The following EVC2 variants were observed in gnomAD, a reference collection of about 807,000 sequenced individuals.
EVC2 encodes EvC ciliary complex subunit 2, also known as limbin.
Under a neutral mutation model 149.3 loss-of-function variants are expected in EVC2, and 148 were observed. The observed-to-expected ratio is 0.99, with a 90% CI of 0.87 to 1.14. The LOEUF is 1.14. Ranked by LOEUF, EVC2 falls within the 50% of genes most tolerant of loss-of-function variation. EVC2 has a pLI of 0.00. For missense variants in EVC2, 1,854 were observed against 1,627.3 expected (o/e 1.14, Z -2.40); for synonymous variants, 776 against 649.9 (o/e 1.19, Z -2.95).
Position 5,622,908 on chromosome 4 carries a change from C to T in EVC2, c.2130G>A (p.Lys710=). 1 of 1,614,220 alleles carries T rather than the reference C, an allele frequency of 6.2e-7. No individual in the cohort carries two copies. Among genetic ancestry groups the T allele is most frequent in the Non-Finnish European group, 8.5e-7 (1 of 1,180,058 alleles). ...VEDAGQYLHQ[K]RSLMEEHGAT... is the part of the protein sequence containing the mutation. ...CACCGTGCTCCTCCATCAGGCTCCT[C>T]TTCTGGTGCAGGTACTGGCCGGCAT... Residue 710 remains lysine (K), a synonymous_variant, in exon 14 of 22, where the codon AAG becomes AAA. Transcript: ENST00000344408. The surrounding 1 kb of genome is among the most constrained non-coding windows in gnomAD (Gnocchi z 5.8).
chr4:5,575,616 T>C (rs1460247691), intron 18 of EVC2, among the ~76,000 whole-genome samples: 1 of 152,266 alleles, frequency 6.6e-6, no homozygotes, highest in Non-Finnish European at 1.5e-5. Flanking sequence ...ACGCTGTGTA[T>C]AGACTTTGCC....
intron 16 of EVC2, among the ~76,000 whole-genome samples, chr4:5,608,051 G>C (rs1714537014): frequency 6.6e-6 from 1 of 152,062 alleles, no homozygotes; most frequent in Non-Finnish European, 1.5e-5. Context: ...GGCTATGGAG[G>C]CAGACACACC....
chr4:5,566,181 G>T (rs1379912486), intron 20 of EVC2, among the ~76,000 whole-genome samples: 1 of 152,234 alleles, frequency 6.6e-6, no homozygotes, highest in Non-Finnish European at 1.5e-5. Flanking sequence ...GAAGGTGCGT[G>T]GTCCTAGACT....
chr4:5,599,292 T>A (rs910346753), intron 16 of EVC2, among the ~76,000 whole-genome samples: 4 of 151,716 alleles, frequency 2.6e-5, no homozygotes, highest in African/African-American at 9.7e-5. Flanking sequence ...TGTGGCACTA[T>A]TCACAATAGC....
chr4:5,619,865 G>A (rs775230641), intron 14 of EVC2, among the ~76,000 whole-genome samples: 1 of 152,184 alleles, frequency 6.6e-6, no homozygotes, highest in Non-Finnish European at 1.5e-5. Context: ...ACAAAGATTA[G>A]CTGTAGATGT....
chr4:5,664,167 T>C (rs967867528), intron 8 of EVC2, among the ~76,000 whole-genome samples: 3 of 152,214 alleles, frequency 2.0e-5, no homozygotes, highest in Non-Finnish European at 4.4e-5. Flanking sequence ...GCCCCCATTT[T>C]ACAAATAGGA....
the EVC2 span, among the ~76,000 whole-genome samples, chr4:5,536,011 C>T: frequency 6.6e-6 from 1 of 152,110 alleles, no homozygotes; most frequent in South Asian, 2.1e-4. Flanking sequence ...TGTTTAGCCT[C>T]TGCCCATCTC....
chr4:5,647,225 C>A (rs1189806132), intron 9 of EVC2, among the ~76,000 whole-genome samples: 1 of 152,152 alleles, frequency 6.6e-6, no homozygotes, highest in Non-Finnish European at 1.5e-5. Flanking sequence ...CTCAAGCCTT[C>A]TGGGTAGATG....
In EVC2 at chr4:5,703,048, T is replaced by C. The variant is rs764624390; in HGVS notation, c.228+5238A>G. On this transcript the variant is annotated intron_variant, in intron 1 of 21. Coordinates refer to ENST00000344408, the MANE Select transcript of EVC2 (RefSeq NM_147127.5). ...TATGTATTGCCATTCAGTAAGTCCT[T>C]ACTTAACATCATCAATAGGTTCATG... Among the ~76,000 whole-genome samples the C allele has an allele frequency of 3.9e-5, 6 of 152,202 alleles. No individual in the cohort carries two copies. In the South Asian group the frequency reaches 1.2e-3, roughly 31 times the overall value.
rs751744985 is a variant in EVC2 at position 5,632,026 on chromosome 4, C to G, written c.1477G>C (p.Val493Leu). 2.0e-5 allele frequency: 32 copies of G among 1,613,922 alleles called. No individual in the cohort carries two copies. Among genetic ancestry groups the G allele is most frequent in the Non-Finnish European group, 2.5e-5 (30 of 1,179,976 alleles). The change falls in exon 11 of 22, where the codon GTA (valine) becomes CTA (leucine). Residue 493 changes from valine to leucine, a missense_variant. Coordinates refer to ENST00000344408, the MANE Select transcript of EVC2 (RefSeq NM_147127.5). ...LLKRAGERSA[V>L]ECSNLLRTLH... Reference sequence around the variant, plus strand: ...GTCCGCAGAAGGTTGCTGCACTCTACAGCAGACTGGAGAGAGGAAAGGGAG... The same window carrying G: ...GTCCGCAGAAGGTTGCTGCACTCTAGAGCAGACTGGAGAGAGGAAAGGGAG...
At position 5,631,940 on chromosome 4, in the gene EVC2, G is replaced by T; in HGVS notation, c.1563C>A (p.Asp521Glu). ...CCAGCTGTCTGTGAGCTTTGGCAAA[G>T]TCTTCTTCTTGTTGCAAAGCGAGAG... ...RKSLALQQEE[D>E]FAKAHRQLAV... The change falls in exon 11 of 22, where the codon GAC becomes GAA. Residue 521 changes from aspartate (D) to glutamate (E), a missense_variant. Physicochemically the swap from Asp to Glu is conservative, Grantham distance 45. Transcript: ENST00000344408. 6.2e-7 allele frequency: 1 copy of T among 1,614,216 alleles called. No individual in the cohort carries two copies. Among genetic ancestry groups the T allele is most frequent in the Non-Finnish European group, 8.5e-7 (1 of 1,180,038 alleles).
At chr4:5,547,270 C>T (rs1721640887) in intron 21 of EVC2, among the ~76,000 whole-genome samples, 1 of 152,268 alleles carries the variant, frequency 6.6e-6, no homozygotes, top group Non-Finnish European at 1.5e-5. Flanking sequence ...CACCAATAAG[C>T]ATAGGAGGGA....
chr4:5,706,619 C>G (rs1332271338), intron 1 of EVC2, among the ~76,000 whole-genome samples: 1 of 151,984 alleles, frequency 6.6e-6, no homozygotes, highest in Non-Finnish European at 1.5e-5. Context: ...GAAGAGGAAG[C>G]AGAGACCCTG....
chr4:5,577,374 G>A lies in EVC2; in HGVS notation c.3058-920C>T, dbSNP rs1369052290. Among the ~76,000 whole-genome samples, 6 of 152,304 alleles carry A rather than the reference G, an allele frequency of 3.9e-5. 1 individual carries two copies. In the Middle Eastern group the frequency reaches 0.014, roughly 345 times the overall value. ...CACAGCCTGCTTAGGTGGGTTGTGGGCGGAGGCAGGAGGGCCCCAGGCCTT... is the reference window on the plus strand; with the variant it reads ...CACAGCCTGCTTAGGTGGGTTGTGGACGGAGGCAGGAGGGCCCCAGGCCTT... On this transcript the variant is annotated intron_variant, in intron 17 of 21. Coordinates refer to ENST00000344408, the MANE Select transcript of EVC2 (RefSeq NM_147127.5).
chr4:5,542,507 A>C (rs965336062), downstream of EVC2, among the ~76,000 whole-genome samples: 4 of 152,092 alleles, frequency 2.6e-5, no homozygotes, highest in Admixed American at 2.6e-4. Flanking sequence ...GACCTCCTAA[A>C]AGGGCCAAGA....
At chr4:5,557,987 A>C (rs1721868289), downstream of EVC2, among the ~76,000 whole-genome samples, 1 of 152,074 alleles carries the variant, frequency 6.6e-6, no homozygotes, top group Non-Finnish European at 1.5e-5. Flanking sequence ...ATTCTTCCCA[A>C]CCTGACCTAT....
intron 16 of EVC2, among the ~76,000 whole-genome samples, chr4:5,598,592 G>T (rs181291052): frequency 6.6e-6 from 1 of 152,134 alleles, no homozygotes; most frequent in African/African-American, 2.4e-5. Flanking sequence ...AGACTTAAAC[G>T]TTAGACCTAA....
chr4:5,606,075 C>T (rs368240744), intron 16 of EVC2, among the ~76,000 whole-genome samples: 6 of 152,152 alleles, frequency 3.9e-5, no homozygotes, highest in African/African-American at 7.2e-5. Context: ...GAGAGGAGGA[C>T]GGACCAATAG....
intron 21 of EVC2, among the ~76,000 whole-genome samples, chr4:5,549,214 C>T (rs1322065000): frequency 6.6e-6 from 1 of 152,170 alleles, no homozygotes; most frequent in East Asian, 1.9e-4. Flanking sequence ...TAATACAACA[C>T]AACTAGCCAT....
Sources: gnomAD v4.1 joint callset for allele counts (sites outside exome capture counted in the v4.1 genomes callset) on GRCh38, gnomAD v4.1.1 for gene constraint, Gnocchi (gnomAD v3.1) non-coding constraint, MANE v1.5 for transcripts, NCBI Gene and HGNC (gene_info 2026-07-23, HGNC 2026-07-21) for gene names.